Variants in FAM131C observed in about 807,000 individuals in gnomAD.
The protein encoded by FAM131C is family with sequence similarity 131 member C.
In FAM131C, 14 loss-of-function variants were observed where a neutral mutation model predicts 29.8. That is an observed-to-expected ratio of 0.47 (90% confidence interval 0.31 to 0.73). FAM131C has a LOEUF of 0.73. Among genes scored for constraint, FAM131C ranks in the 30% least tolerant of loss-of-function variants. The pLI, the probability that FAM131C is intolerant of heterozygous loss-of-function variation, is 0.05. For synonymous variants in FAM131C, 86 were observed against 157.8 expected (o/e 0.54, Z 3.41); for missense variants, 252 against 383.8 (o/e 0.66, Z 2.87).
chr1:16,058,599 G>GGGCT lies in FAM131C; in HGVS notation c.677_680dup (p.Pro228AlafsTer54). 6.4e-7 allele frequency: 1 copy of GGGCT among 1,564,902 alleles called. No individual in the cohort carries two copies. The highest frequency in any genetic ancestry group is 8.7e-7 in the Non-Finnish European group (1 of 1,155,378). On this transcript the variant is annotated frameshift_variant, in exon 7 of 7. Coordinates refer to ENST00000375662, the MANE Select transcript of FAM131C (RefSeq NM_182623.3). LOFTEE classifies it low-confidence loss of function (END_TRUNC). ...GCTGCGGGATGCCAGCGGTGCTGGG[G>GGGCT]GGCTCCTCAGGTGAGGGACAGCTGT...
Position 16,073,509 on chromosome 1 carries a change from CG to C in FAM131C, c.-68del. 9.7e-7 allele frequency: 1 copy of C among 1,029,758 alleles called. No individual in the cohort carries two copies. Among genetic ancestry groups the C allele is most frequent in the Non-Finnish European group, 1.2e-6 (1 of 817,982 alleles). 63.8% of individuals were successfully genotyped at this position (1,029,758 alleles called of 1,614,324 possible). A position where few individuals can be genotyped will look rare whatever the true frequency, so the allele number is the denominator to read the frequency against. ...GGGCCGCGGGGCGTTCATGTCTCCG[CG>C]GGCCCGGGGCTGAGCGCTGCGGAGC... On this transcript the variant is annotated 5_prime_UTR_variant, in exon 1 of 7. Transcript: ENST00000375662.
In FAM131C at chr1:16,059,857, C is replaced by T. The variant is rs761291557; in HGVS notation, c.451+12G>A. ...CCCCACAGAGCCCTGGCCAGTCCCCCTCCTCGCTGACCTGCAGCAAAGCGG... is the reference window on the plus strand; with the variant it reads ...CCCCACAGAGCCCTGGCCAGTCCCCTTCCTCGCTGACCTGCAGCAAAGCGG... On this transcript the variant is annotated intron_variant, in intron 5 of 6. Coordinates refer to ENST00000375662, the MANE Select transcript of FAM131C (RefSeq NM_182623.3). 280 of 1,609,516 alleles carry T rather than the reference C, an allele frequency of 1.7e-4. No individual in the cohort carries two copies. Among genetic ancestry groups the T allele is most frequent in the Non-Finnish European group, 2.3e-4 (274 of 1,179,168 alleles).
In FAM131C at chr1:16,063,506, G is replaced by A. The variant is rs780995690; in HGVS notation, c.138+15C>T. ...CGGGGCGCAGGTAGCACAGGGATGA[G>A]GAGCAGCCAGTTACCTTGCCAATGA... On this transcript the variant is annotated intron_variant, in intron 2 of 6. Coordinates refer to ENST00000375662, the MANE Select transcript of FAM131C (RefSeq NM_182623.3). The A allele has an allele frequency of 2.8e-5, 44 of 1,595,306 alleles. No individual in the cohort carries two copies. Among genetic ancestry groups the A allele is most frequent in the Admixed American group, 3.3e-5 (2 of 59,950 alleles).
chr1:16,070,519 C>T (rs761713640), intron 1 of FAM131C, among the ~76,000 whole-genome samples: 6 of 152,070 alleles, frequency 3.9e-5, no homozygotes, highest in Non-Finnish European at 8.8e-5. Context: ...AGGCCGGGTG[C>T]AGTGGCTCAC....
chr1:16,065,272 C>T (rs1029431704), intron 1 of FAM131C, among the ~76,000 whole-genome samples: 1 of 152,204 alleles, frequency 6.6e-6, no homozygotes, highest in Non-Finnish European at 1.5e-5. Context: ...CCTTCCCCCA[C>T]TCTCCCCGGG....
chr1:16,064,976 C>T (rs1353536838), intron 1 of FAM131C, among the ~76,000 whole-genome samples: 1 of 152,210 alleles, frequency 6.6e-6, no homozygotes, highest in African/African-American at 2.4e-5. Flanking sequence ...TTTGGCTCCT[C>T]CCTGGCTCAC....
intron 1 of FAM131C, among the ~76,000 whole-genome samples, chr1:16,064,194 G>C (rs534977802): frequency 6.6e-6 from 1 of 152,044 alleles, no homozygotes; most frequent in African/African-American, 2.4e-5. Context: ...TTTCCTGCCA[G>C]GTTGACAGCT....
In FAM131C at chr1:16,059,442, A is replaced by G; in HGVS notation, c.562+52T>C. ...TGCCTTTGGTGATGGGCAGCCATCC[A>G]GAATCAGCTCCACTCTGCCCACCCC... On this transcript the variant is annotated intron_variant, in intron 6 of 6. Coordinates refer to ENST00000375662, the MANE Select transcript of FAM131C (RefSeq NM_182623.3). 3 of 1,585,444 alleles carry G rather than the reference A, an allele frequency of 1.9e-6. No homozygotes were observed. The African/African-American group carries it at 4.0e-5, about 21-fold the overall frequency.
intron 6 of FAM131C, 42 bp downstream of exon 6, chr1:16,059,452 C>G: frequency 1.3e-6 from 2 of 1,595,742 alleles, no homozygotes; most frequent in Non-Finnish European, 1.7e-6. Flanking sequence ...AGAATCAGCT[C>G]CACTCTGCCC....
At chr1:16,071,761 G>T (rs1031829032) in intron 1 of FAM131C, among the ~76,000 whole-genome samples, 2 of 152,196 alleles carry the variant, frequency 1.3e-5, no homozygotes, top group East Asian at 1.9e-4. Flanking sequence ...GGTGGAGGGA[G>T]CCCCAGGTGT....
intron 1 of FAM131C, among the ~76,000 whole-genome samples, chr1:16,067,917 G>C (rs777119560): frequency 1.3e-5 from 2 of 152,184 alleles, no homozygotes; most frequent in African/African-American, 4.8e-5. Context: ...TCTACCCCAA[G>C]AGTGCCTCCC....
At chr1:16,058,778 G>A (rs1297366346) in intron 6 of FAM131C, 61 bp from the exon 7 acceptor site, 1 of 1,405,520 alleles carries the variant, frequency 7.1e-7, no homozygotes, top group Non-Finnish European at 9.5e-7. Flanking sequence ...CGCCCTCTCT[G>A]GGGGTGTGAG....
In FAM131C at chr1:16,066,406, G is replaced by A. The variant is rs79775834; in HGVS notation, c.23-2770C>T. ...AGCACGGGATCCTGTGGACTGAGCC[G>A]TGCGCCTGCACACCATAGCACTCAG... On this transcript the variant is annotated intron_variant, in intron 1 of 6. Coordinates refer to ENST00000375662, the MANE Select transcript of FAM131C (RefSeq NM_182623.3). Among the ~76,000 whole-genome samples, 1,414 of 152,274 alleles carry A rather than the reference G, an allele frequency of 9.3e-3. 11 individuals carry two copies. Among genetic ancestry groups the A allele is most frequent in the African/African-American group, 0.033 (1,353 of 41,534 alleles).
At chr1:16,062,289 G>C in intron 3 of FAM131C, 97 bp from the exon 4 acceptor site, 2 of 1,504,354 alleles carry the variant, frequency 1.3e-6, no homozygotes, top group South Asian at 2.7e-5. Flanking sequence ...AGCTCACCAG[G>C]TCCTCTGGCC....
Position 16,058,469 on chromosome 1 carries a change from G to A in FAM131C, c.811C>T (p.Leu271Phe), listed in dbSNP as rs1203574210. The A allele has an allele frequency of 6.7e-7, 1 of 1,483,690 alleles. No individual in the cohort carries two copies. The highest frequency in any genetic ancestry group is 1.4e-5 in the South Asian group (1 of 71,488). 91.9% of individuals were successfully genotyped at this position (1,483,690 alleles called of 1,614,324 possible). A position where few individuals can be genotyped will look rare whatever the true frequency, so the allele number is the denominator to read the frequency against. The change falls in exon 7 of 7, where the codon CTC becomes TTC. Residue 271 changes from leucine (L) to phenylalanine (F), a missense_variant. Leu to Phe is a conservative substitution (Grantham distance 22). Coordinates refer to ENST00000375662, the MANE Select transcript of FAM131C (RefSeq NM_182623.3). The stretch of plus-strand genomic sequence containing the variant: ...TAGAACACCTCGTCCTCCTCCCAGA[G>A]GGAGCCGCTGTCCATGGAGGGGAGG... ...GSLPSMDSGS[L>F]WEEDEVFYN is the part of the protein sequence containing the mutation.
At chr1:16,065,906 C>CTTTTTCTTT (rs111449942) in intron 1 of FAM131C, among the ~76,000 whole-genome samples, 7 of 148,708 alleles carry the variant, frequency 4.7e-5, no homozygotes, top group African/African-American at 1.5e-4. Flanking sequence ...GTTTTCTTTT[C>CTTTTTCTTT]TTTTTTTTTT....
rs2023635481 is a variant in FAM131C at position 16,063,557 on chromosome 1, G to A, written c.102C>T (p.Arg34=). Residue 34 remains arginine, a synonymous_variant, in exon 2 of 7, where the codon CGC becomes CGT. Coordinates refer to ENST00000375662, the MANE Select transcript of FAM131C (RefSeq NM_182623.3). ...DPLNPDLPSG[R]TPTVAPDCVI... is the part of the protein sequence containing the mutation. The stretch of plus-strand genomic sequence containing the variant: ...CACAGTCTGGAGCCACGGTGGGAGT[G>A]CGGCCCGAGGGCAGATCTGGGTTCA... 3 of 1,613,770 alleles carry A rather than the reference G, an allele frequency of 1.9e-6. No individual in the cohort carries two copies. The highest frequency in any genetic ancestry group is 1.7e-6 in the Non-Finnish European group (2 of 1,179,876).
chr1:16,064,968 T>G (rs2023661877), intron 1 of FAM131C, among the ~76,000 whole-genome samples: 1 of 152,204 alleles, frequency 6.6e-6, no homozygotes, highest in Non-Finnish European at 1.5e-5. Context: ...GTCCCCTCTT[T>G]GGCTCCTCCC....
intron 1 of FAM131C, among the ~76,000 whole-genome samples, chr1:16,072,867 G>T (rs1365358030): frequency 6.6e-6 from 1 of 152,104 alleles, no homozygotes; most frequent in African/African-American, 2.4e-5. Context: ...GTCCAAGGAT[G>T]GGGGTGGGGA....
Sources: gnomAD v4.1 joint callset for allele counts (sites outside exome capture counted in the v4.1 genomes callset) on GRCh38, gnomAD v4.1.1 for gene constraint, MANE v1.5 for transcripts, NCBI Gene and HGNC (gene_info 2026-07-23, HGNC 2026-07-21) for gene names.